Variants in FBXO25 observed in about 807,000 individuals in gnomAD.
FBXO25 encodes the protein F-box only protein 25.
FBXO25 carries 45 observed loss-of-function variants against 51.9 expected under a neutral mutation model. That is an observed-to-expected ratio of 0.87 (90% CI 0.68 to 1.11). The LOEUF (loss-of-function observed/expected upper bound fraction) is 1.11. Among genes scored for constraint, FBXO25 ranks in the 50% most tolerant of loss-of-function variants. FBXO25 has a pLI of 0.00. For synonymous variants in FBXO25, 199 were observed against 151.0 expected (o/e 1.32, Z -2.33); for missense variants, 507 against 428.5 (o/e 1.18, Z -1.62).
intron 2 of FBXO25, among the ~76,000 whole-genome samples, chr8:425,880 G>A (rs1797442668): frequency 6.8e-6 from 1 of 146,402 alleles, no homozygotes; most frequent in East Asian, 2.0e-4. Context: ...ATTTAGGAGG[G>A]CTTTCTTCCT....
chr8:467,033 A>G (rs1370833148), intron 9 of FBXO25, among the ~76,000 whole-genome samples: 1 of 152,052 alleles, frequency 6.6e-6, no homozygotes, highest in Non-Finnish European at 1.5e-5. Flanking sequence ...CGTTCACCCC[A>G]CAGGCCTGTG....
chr8:475,198 A>T lies in FBXO25; in HGVS notation c.*6394A>T. On this transcript the variant is annotated 3_prime_UTR_variant, in exon 10 of 10. Coordinates refer to ENST00000350302, the MANE Select transcript of FBXO25 (RefSeq NM_183420.2). ...TTGTCTAGCACCATTTGTTGAAAAG[A>T]CTGTCCTTTCTCCCTTGAATGGTCT... The T allele has an allele frequency of 3.1e-6, 1 of 325,526 alleles. No individual in the cohort carries two copies. The highest frequency in any genetic ancestry group is 8.5e-5 in the East Asian group (1 of 11,790). 20.2% of individuals were successfully genotyped at this position (325,526 alleles called of 1,614,324 possible).
intron 3 of FBXO25, among the ~76,000 whole-genome samples, chr8:431,850 C>A (rs1163840715): frequency 3.3e-5 from 5 of 152,056 alleles, no homozygotes; most frequent in African/African-American, 4.8e-5. Flanking sequence ...GGAGGTGGGA[C>A]CTATCTATGT....
chr8:409,190 T>G (rs977812685), intron 1 of FBXO25, among the ~76,000 whole-genome samples: 19 of 152,196 alleles, frequency 1.2e-4, no homozygotes, highest in South Asian at 2.1e-4. Context: ...GTTGGTGGTG[T>G]TGTTTTTAAT....
At chr8:465,467 AGTATTTTTCTTAG>A (rs1445275768) in intron 9 of FBXO25, among the ~76,000 whole-genome samples, 14 of 152,186 alleles carry the variant, frequency 9.2e-5, no homozygotes, top group African/African-American at 3.4e-4. Context: ...TGTATGTGGT[AGTATTTTTCTTAG>A]AACAATATTT....
intron 2 of FBXO25, among the ~76,000 whole-genome samples, chr8:426,163 C>G (rs1374104549): frequency 2.6e-5 from 4 of 152,170 alleles, no homozygotes; most frequent in African/African-American, 9.7e-5. Context: ...CTGCAGCTCA[C>G]CTTTGCATCT....
rs1389548655 is a variant in FBXO25, at chr8:474,819, A to G, written c.*6015A>G. ...GCCTTTCACTCTGTTTTGTTCTTTG[A>G]TGTACAGAAGTTGTTTCTTTCTTTT... On this transcript the variant is annotated 3_prime_UTR_variant, in exon 10 of 10. Transcript: ENST00000350302. The G allele has an allele frequency of 2.4e-6, 1 of 415,574 alleles. No homozygotes were observed. The highest frequency in any genetic ancestry group is 1.8e-5 in the South Asian group (1 of 57,108). The allele number at this position is 415,574 out of a possible 1,614,324, so 25.7% of individuals were successfully genotyped here. A position where few individuals can be genotyped will look rare whatever the true frequency, so the allele number is the denominator to read the frequency against.
chr8:415,519 C>G (rs1242587761), intron 2 of FBXO25, among the ~76,000 whole-genome samples: 1 of 152,104 alleles, frequency 6.6e-6, no homozygotes, highest in African/African-American at 2.4e-5. Flanking sequence ...GAGGGTAGGT[C>G]GGCTGGGGTC....
chr8:440,101 T>A (rs189903965), intron 5 of FBXO25, among the ~76,000 whole-genome samples: 80 of 152,234 alleles, frequency 5.3e-4, no homozygotes, highest in Non-Finnish European at 8.4e-4. Flanking sequence ...GACTCGAGGG[T>A]GAGGCAGGGA....
intron 7 of FBXO25, among the ~76,000 whole-genome samples, chr8:454,140 C>G (rs1025042425): frequency 6.6e-6 from 1 of 152,022 alleles, no homozygotes; most frequent in African/African-American, 2.4e-5. Flanking sequence ...AGAAATACCT[C>G]GACACCCCTT....
In FBXO25 at chr8:471,572, A is replaced by T. The variant is rs147657151; in HGVS notation, c.*2768A>T. ...TTTCACTTGCCCATCGCTCCTGTGA[A>T]AGGCAATGCCAGACACTCTCAAGAT... On this transcript the variant is annotated 3_prime_UTR_variant, in exon 10 of 10. Coordinates refer to ENST00000350302, the MANE Select transcript of FBXO25 (RefSeq NM_183420.2). 6.6e-6 allele frequency: 1 copy of T among 152,284 alleles called. No individual in the cohort carries two copies. Among genetic ancestry groups the T allele is most frequent in the Non-Finnish European group, 1.5e-5 (1 of 68,022 alleles). 9.4% of individuals were successfully genotyped at this position (152,284 alleles called of 1,614,324 possible). A position where few individuals can be genotyped will look rare whatever the true frequency, so the allele number is the denominator to read the frequency against.
intron 2 of FBXO25, among the ~76,000 whole-genome samples, chr8:413,767 G>A (rs934900184): frequency 6.6e-6 from 1 of 152,230 alleles, no homozygotes; most frequent in Non-Finnish European, 1.5e-5. Context: ...CTGTGTTTCA[G>A]TGGCACAGCC....
At chr8:441,388 A>C (rs55854351) in intron 5 of FBXO25, among the ~76,000 whole-genome samples, 26,767 of 152,208 alleles carry the variant, frequency 0.18, 2,812 homozygotes, top group East Asian at 0.37. Context: ...AAAGACTTAA[A>C]CATAAGACCT....
chr8:416,426 A>G (rs1024776623), intron 2 of FBXO25, among the ~76,000 whole-genome samples: 3 of 152,240 alleles, frequency 2.0e-5, no homozygotes, highest in Non-Finnish European at 4.4e-5. Context: ...TTTTTTGTCC[A>G]GAACACCTGA....
intron 2 of FBXO25, 21 bp from the exon 3 acceptor site, chr8:431,320 T>A (rs1797809121): frequency 7.9e-7 from 1 of 1,265,066 alleles, no homozygotes; most frequent in Non-Finnish European, 1.1e-6. Context: ...AATATTTTAA[T>A]AGAATGTGTC....
chr8:445,897 G>A (rs1224886108), intron 5 of FBXO25, among the ~76,000 whole-genome samples: 1 of 152,156 alleles, frequency 6.6e-6, no homozygotes, highest in Non-Finnish European at 1.5e-5. Flanking sequence ...AAAACAGTAA[G>A]GACTGTATGT....
chr8:429,710 G>A (rs948742988), intron 2 of FBXO25, among the ~76,000 whole-genome samples: 5 of 152,162 alleles, frequency 3.3e-5, no homozygotes, highest in Non-Finnish European at 7.3e-5. Context: ...TAGCCTAGTT[G>A]TCATTTGTGA....
chr8:440,105 G>T (rs1798336407), intron 5 of FBXO25, among the ~76,000 whole-genome samples: 1 of 152,226 alleles, frequency 6.6e-6, no homozygotes, highest in Non-Finnish European at 1.5e-5. Context: ...CGAGGGTGAG[G>T]CAGGGAGGGA....
At chr8:427,370 C>G (rs202187151) in intron 2 of FBXO25, among the ~76,000 whole-genome samples, 1 of 148,718 alleles carries the variant, frequency 6.7e-6, no homozygotes, top group Non-Finnish European at 1.5e-5. Flanking sequence ...TTATCACAGT[C>G]TGCATGTTAT....
Sources: allele counts gnomAD v4.1 joint callset (sites outside exome capture counted in the v4.1 genomes callset), GRCh38; gene constraint gnomAD v4.1.1; transcripts MANE v1.5; gene names NCBI Gene and HGNC (gene_info 2026-07-23, HGNC 2026-07-21).